Variants in UNC80 observed in about 807,000 individuals in gnomAD.
The protein encoded by UNC80 is unc-80 subunit of NALCN channel complex.
Under a neutral mutation model 384.6 loss-of-function variants are expected in UNC80, and 164 were observed. That is an observed-to-expected ratio of 0.43 (90% CI 0.38 to 0.49). UNC80 has a LOEUF of 0.49. Ranked by LOEUF, UNC80 falls within the 20% of genes least tolerant of loss-of-function variation. The pLI is 0.00. For missense variants in UNC80, 3,330 were observed against 4,143.0 expected (o/e 0.80, Z 5.39); for synonymous variants, 1,486 against 1,527.8 (o/e 0.97, Z 0.64).
chr2:209,823,585 C>A (rs549483363), intron 13 of UNC80, among the ~76,000 whole-genome samples: 1 of 152,176 alleles, frequency 6.6e-6, no homozygotes, highest in East Asian at 1.9e-4. Flanking sequence ...TAGAGGGGTG[C>A]CTTTTCTAAT....
chr2:209,918,126 TTAAAA>T lies in UNC80; in HGVS notation c.5211+171_5211+175del, dbSNP rs202210698. 3.2e-4 allele frequency among the ~76,000 whole-genome samples: 48 copies of T among 152,298 alleles called. 1 individual carries two copies. In the East Asian group the frequency reaches 9.1e-3, roughly 29 times the overall value. ...TGAATGCATTCCTACTGTTAAAAAATTAAAATATAGAAGAATATAGAGTAAGAAAA... is the reference window on the plus strand; with the variant it reads ...TGAATGCATTCCTACTGTTAAAAAATTATAGAAGAATATAGAGTAAGAAAA... On this transcript the variant is annotated intron_variant, in intron 32 of 64. Transcript: ENST00000673920.
intron 3 of UNC80, 115 bp downstream of exon 3, chr2:209,776,160 C>A: frequency 7.6e-7 from 1 of 1,308,756 alleles, no homozygotes; most frequent in Non-Finnish European, 1.0e-6. Context: ...CATATATTAT[C>A]TCATTTAATT....
intron 29 of UNC80, among the ~76,000 whole-genome samples, chr2:209,910,946 AT>A (rs1198078963): frequency 2.0e-5 from 3 of 152,162 alleles, no homozygotes; most frequent in African/African-American, 4.8e-5. Flanking sequence ...AAGGAACCTA[AT>A]AATGGCTATC....
In UNC80 at chr2:209,996,372, T is replaced by C. The variant is rs927717881; in HGVS notation, c.*777T>C. 2 of 152,178 alleles carry C rather than the reference T, an allele frequency of 1.3e-5. No homozygotes were observed. The highest frequency in any genetic ancestry group is 6.5e-5 in the Admixed American group (1 of 15,274). 9.4% of individuals were successfully genotyped at this position (152,178 alleles called of 1,614,324 possible). ...TACAATTATAAAAACTAAATGTATA[T>C]ATAATCACTTAAAAGAGATGGTATT... On this transcript the variant is annotated 3_prime_UTR_variant, in exon 65 of 65. Coordinates refer to ENST00000673920, the MANE Select transcript of UNC80 (RefSeq NM_001371986.1).
intron 23 of UNC80, among the ~76,000 whole-genome samples, chr2:209,877,704 G>A (rs529480772): frequency 1.3e-5 from 2 of 152,098 alleles, no homozygotes; most frequent in Non-Finnish European, 2.9e-5. Context: ...AAAAACTTTT[G>A]TACAAATATA....
chr2:209,808,767 T>TTCTGCGCTACTAAGCGACCTCGTTGCC, intron 7 of UNC80: 1 of 59,212 alleles, frequency 1.7e-5, no homozygotes, highest in Non-Finnish European at 2.9e-5. Flanking sequence ...CCTGCGCTAC[T>TTCTGCGCTACTAAGCGACCTCGTTGCC]TCTGCGCTAC....
intron 28 of UNC80, among the ~76,000 whole-genome samples, chr2:209,899,951 T>C (rs2087211646): frequency 2.6e-5 from 4 of 152,160 alleles, no homozygotes; most frequent in Admixed American, 2.6e-4. Context: ...CAAATTCTAA[T>C]TTTTACCTCC....
chr2:209,989,009 G>A (rs1222383393), intron 61 of UNC80, among the ~76,000 whole-genome samples: 1 of 151,998 alleles, frequency 6.6e-6, no homozygotes, highest in Non-Finnish European at 1.5e-5. Flanking sequence ...TCATTCCCAA[G>A]ATTAAAAATT....
Position 209,912,674 on chromosome 2 carries a change from T to C in UNC80, c.4890+7T>C, listed in dbSNP as rs113342352. 2.6e-6 allele frequency: 4 copies of C among 1,534,280 alleles called. No individual in the cohort carries two copies. Among genetic ancestry groups the C allele is most frequent in the Admixed American group, 2.0e-5 (1 of 50,534 alleles). ...GAAGTACATCAGACTTCAGGTATTG[T>C]TACCTGGATCAGAAGGATTCATGGA... On this transcript the variant is annotated splice_region_variant and intron_variant, in intron 30 of 64. Transcript: ENST00000673920.
intron 21 of UNC80, among the ~76,000 whole-genome samples, chr2:209,846,697 CAA>C (rs920589404): frequency 1.4e-4 from 21 of 152,036 alleles, no homozygotes; most frequent in South Asian, 1.0e-3. Context: ...AAATATTAAA[CAA>C]ATGCAGCTAA....
At chr2:209,958,285 A>G (rs2092477741) in intron 49 of UNC80, among the ~76,000 whole-genome samples, 1 of 152,182 alleles carries the variant, frequency 6.6e-6, no homozygotes, top group South Asian at 2.1e-4. Flanking sequence ...TTAGCTTTAA[A>G]TATTCCGACA....
intron 21 of UNC80, 80 bp from the exon 22 acceptor site, chr2:209,849,371 T>C (rs1001131853): frequency 4.2e-5 from 62 of 1,481,384 alleles, no homozygotes; most frequent in Non-Finnish European, 4.7e-5. Flanking sequence ...CACACTGTTA[T>C]ATCTTTGAAA....
chr2:209,885,164 A>G (rs192090863), intron 25 of UNC80, among the ~76,000 whole-genome samples: 2 of 152,318 alleles, frequency 1.3e-5, no homozygotes, highest in East Asian at 3.9e-4. Context: ...CTACCAAGAC[A>G]AAACTAATGA....
intron 22 of UNC80, 83 bp downstream of exon 22, chr2:209,849,706 T>G (rs1159918396): frequency 2.9e-6 from 4 of 1,358,934 alleles, no homozygotes; most frequent in Non-Finnish European, 1.0e-6. Context: ...TCCCCAATTG[T>G]AATCCTCCTG....
intron 7 of UNC80, chr2:209,795,202 CA>C (rs2078077430): frequency 6.5e-6 from 1 of 154,154 alleles, no homozygotes; most frequent in Admixed American, 6.5e-5. Flanking sequence ...TATGTTTTAG[CA>C]AAGAGACTGG....
chr2:209,938,989 C>G (rs977958540), intron 42 of UNC80, among the ~76,000 whole-genome samples: 1 of 152,106 alleles, frequency 6.6e-6, no homozygotes, highest in African/African-American at 2.4e-5. Context: ...GAGCACCAAT[C>G]AAGGACCTAT....
intron 39 of UNC80, 124 bp downstream of exon 39, chr2:209,934,129 G>T: frequency 1.1e-6 from 1 of 915,480 alleles, no homozygotes; most frequent in South Asian, 2.3e-5. Context: ...AGTATTGAGT[G>T]CTTCAAAGAA....
chr2:209,939,760 C>T (rs1354490200), intron 43 of UNC80, 108 bp downstream of exon 43: 3 of 1,054,280 alleles, frequency 2.8e-6, no homozygotes, highest in Non-Finnish European at 2.6e-6. Context: ...TACATGTGCT[C>T]AACGTGCAGG....
chr2:209,847,768 G>C (rs931648534), intron 21 of UNC80, among the ~76,000 whole-genome samples: 9 of 151,980 alleles, frequency 5.9e-5, no homozygotes, highest in African/African-American at 1.9e-4. Context: ...GATCTCAACT[G>C]TTCTTAATAA....
Sources: gnomAD v4.1 joint callset for allele counts (sites outside exome capture counted in the v4.1 genomes callset) on GRCh38, gnomAD v4.1.1 for gene constraint, MANE v1.5 for transcripts, NCBI Gene and HGNC (gene_info 2026-07-23, HGNC 2026-07-21) for gene names.